Variants in ZNF276 observed in about 807,000 individuals in gnomAD.
ZNF276 encodes centromere protein Z.
A neutral mutation model predicts 63.9 loss-of-function variants in ZNF276; 59 were observed. The observed-to-expected ratio is 0.92, with a 90% CI of 0.75 to 1.15. The LOEUF (loss-of-function observed/expected upper bound fraction) is 1.15, where lower values mean the gene tolerates loss of function less well. Among genes scored for constraint, ZNF276 ranks in the 50% most tolerant of loss-of-function variants. The pLI is 0.00. For missense variants in ZNF276, 1,084 were observed against 843.8 expected (o/e 1.28, Z -3.53); for synonymous variants, 496 against 348.4 (o/e 1.42, Z -4.72).
At chr16:89,723,852 C>G (rs1195106941) in intron 4 of ZNF276, 143 bp downstream of exon 4, 1 of 929,026 alleles carries the variant, frequency 1.1e-6, no homozygotes, top group East Asian at 2.7e-5. Flanking sequence ...GGGCTTCTGC[C>G]TGCGGCTGCT....
chr16:89,724,357 T>G (rs1199328851), intron 4 of ZNF276, among the ~76,000 whole-genome samples: 2 of 152,176 alleles, frequency 1.3e-5, no homozygotes, highest in African/African-American at 4.8e-5. Flanking sequence ...ACTTTGAGTC[T>G]TGAGGGGAGC....
At chr16:89,735,895 G>T (rs28708836) in intron 9 of ZNF276, among the ~76,000 whole-genome samples, 16 of 142,944 alleles carry the variant, frequency 1.1e-4, no homozygotes, top group Non-Finnish European at 1.5e-4. Context: ...TTTTTTGTTT[G>T]TTTGTTTGTT....
intron 9 of ZNF276, among the ~76,000 whole-genome samples, chr16:89,736,967 C>T (rs549544285): frequency 6.6e-6 from 1 of 152,098 alleles, no homozygotes; most frequent in African/African-American, 2.4e-5. Context: ...AGAGAAAAGT[C>T]TGTCTTGTGA....
Position 89,738,805 on chromosome 16 carries a change from CCAGG to C in ZNF276, c.*566_*569del, listed in dbSNP as rs754660451. ...AGAAATAGTCGAGTTGTATTGCCAG[CCAGG>C]CAGGCACATGGCCCAGGCAGCTGTC... On this transcript the variant is annotated 3_prime_UTR_variant, in exon 11 of 11. Coordinates refer to ENST00000443381, the MANE Select transcript of ZNF276 (RefSeq NM_001113525.2). The C allele has an allele frequency of 1.9e-6, 3 of 1,613,680 alleles. No homozygotes were observed. In the South Asian group the frequency reaches 3.3e-5, roughly 18 times the overall value.
chr16:89,727,503 A>C (rs1262532573), intron 5 of ZNF276, 146 bp downstream of exon 5: 2 of 893,114 alleles, frequency 2.2e-6, no homozygotes, highest in Non-Finnish European at 3.5e-6. Flanking sequence ...TCGGCTGCCC[A>C]TGCGCTGGTA....
chr16:89,723,361 C>G lies in ZNF276; in HGVS notation c.658C>G (p.Leu220Val). ...GGCCCTGCCCCACCTTCAGAGGACA[C>G]TGTCCTCCGAGTACTGCGGCGTCAT... Reference protein sequence around the residue: ...CGALPHLQRTLSSEYCGVIQV... With the variant: ...CGALPHLQRTVSSEYCGVIQV... Residue 220 changes from leucine (L) to valine (V), a missense_variant, in exon 4 of 11, where the codon CTG becomes GTG. By Grantham distance (32) the Leu-to-Val change is conservative. Transcript: ENST00000443381. 6.2e-7 allele frequency: 1 copy of G among 1,613,026 alleles called. No homozygotes were observed. The highest frequency in any genetic ancestry group is 8.5e-7 in the Non-Finnish European group (1 of 1,180,016).
At position 89,738,366 on chromosome 16, in the gene ZNF276, A is replaced by G; in HGVS notation, c.*120A>G. On this transcript the variant is annotated 3_prime_UTR_variant, in exon 11 of 11. Coordinates refer to ENST00000443381, the MANE Select transcript of ZNF276 (RefSeq NM_001113525.2). Reference sequence around the variant, plus strand: ...GGGTGCTGCCCGCCCTTGGTGCTGGAGGCGGGCTTGGTGTCCGGCTCAAGT... The same window carrying G: ...GGGTGCTGCCCGCCCTTGGTGCTGGGGGCGGGCTTGGTGTCCGGCTCAAGT... 1 of 1,454,316 alleles carries G rather than the reference A, an allele frequency of 6.9e-7. No homozygotes were observed. Among genetic ancestry groups the G allele is most frequent in the Non-Finnish European group, 9.2e-7 (1 of 1,092,092 alleles). The allele number at this position is 1,454,316 out of a possible 1,614,324, so 90.1% of individuals were successfully genotyped here.
Position 89,738,014 on chromosome 16 carries a change from C to T in ZNF276, c.1613C>T (p.Ser538Phe). 3 of 1,614,156 alleles carry T rather than the reference C, an allele frequency of 1.9e-6. No individual in the cohort carries two copies. Among genetic ancestry groups the T allele is most frequent in the Non-Finnish European group, 2.5e-6 (3 of 1,180,042 alleles). Residue 538 changes from serine (S) to phenylalanine (F), a missense_variant, in exon 11 of 11, where the codon TCC (serine) becomes TTC (phenylalanine). By Grantham distance (155) the Ser-to-Phe change is radical. Coordinates refer to ENST00000443381, the MANE Select transcript of ZNF276 (RefSeq NM_001113525.2). ...GGGTTCCAGTGCAGGCAGCGGGCAT[C>T]CCTCAAGTACCACATGACCAAACAC... ...VCGFQCRQRA[S>F]LKYHMTKHKA...
At position 89,723,664 on chromosome 16, in the gene ZNF276, T is replaced by C. The variant is rs558670956; in HGVS notation, c.961T>C (p.Ser321Pro). 6.2e-7 allele frequency: 1 copy of C among 1,612,260 alleles called. No homozygotes were observed. The highest frequency in any genetic ancestry group is 1.3e-5 in the African/African-American group (1 of 75,064). ...PSDSDAVGPR[S>P]GFPPQPSLPL... ...GGACAGCGACGCGGTGGGGCCCAGG[T>C]CGGGCTTCCCACCTCAGCCAAGCCT... The change falls in exon 4 of 11, where the codon TCG (serine) becomes CCG (proline). Residue 321 changes from serine (S) to proline (P), a missense_variant. Transcript: ENST00000443381.
In ZNF276 at chr16:89,737,802, TCA is replaced by T. The variant is rs1398276954; in HGVS notation, c.1475-3_1475-2del. 6.2e-7 allele frequency: 1 copy of T among 1,614,110 alleles called. No individual in the cohort carries two copies. Among genetic ancestry groups the T allele is most frequent in the South Asian group, 1.1e-5 (1 of 91,060 alleles). On this transcript the variant is annotated splice_acceptor_variant and splice_polypyrimidine_tract_variant and intron_variant, in intron 9 of 10. Coordinates refer to ENST00000443381, the MANE Select transcript of ZNF276 (RefSeq NM_001113525.2). LOFTEE classifies it high-confidence loss of function. Reference sequence around the variant, plus strand: ...CCTGGACTCACTGGACTCTCCCCTCTCAGAGGTGCGGAACTATATCTGTGACG... The same window carrying T: ...CCTGGACTCACTGGACTCTCCCCTCTGAGGTGCGGAACTATATCTGTGACG...
At chr16:89,727,874 G>A (rs1187109077) in intron 5 of ZNF276, among the ~76,000 whole-genome samples, 1 of 152,236 alleles carries the variant, frequency 6.6e-6, no homozygotes, top group Non-Finnish European at 1.5e-5. Flanking sequence ...GGCTCTGCGA[G>A]GAGGTGTTGC....
At position 89,721,669 on chromosome 16, in the gene ZNF276, T is replaced by C. The variant is rs964766025; in HGVS notation, c.29T>C (p.Leu10Pro). 1.0e-5 allele frequency: 15 copies of C among 1,463,850 alleles called. No individual in the cohort carries two copies. In the African/African-American group the frequency reaches 1.6e-4, roughly 16 times the overall value. 90.7% of individuals were successfully genotyped at this position (1,463,850 alleles called of 1,614,324 possible). A position where few individuals can be genotyped will look rare whatever the true frequency, so the allele number is the denominator to read the frequency against. The stretch of plus-strand genomic sequence containing the variant: ...AAGCGGGACCGGCTGGGCCGCTTCC[T>C]GTCTCCTGGGTCGTCCCGACAGTGC... MKRDRLGRF[L>P]SPGSSRQCGA... Residue 10 changes from leucine to proline, a missense_variant, in exon 1 of 11, where the codon CTG becomes CCG. By Grantham distance (98) the Leu-to-Pro change is moderately conservative. Transcript: ENST00000443381.
intron 2 of ZNF276, 40 bp from the exon 3 acceptor site, chr16:89,723,097 G>T (rs769306230): frequency 5.6e-6 from 9 of 1,612,854 alleles, no homozygotes; most frequent in Non-Finnish European, 6.8e-6. Flanking sequence ...GTGAACCTCC[G>T]CCTGCTTGTC....
At chr16:89,736,622 C>T (rs1002346325) in intron 9 of ZNF276, among the ~76,000 whole-genome samples, 2 of 151,794 alleles carry the variant, frequency 1.3e-5, no homozygotes, top group African/African-American at 4.8e-5. Context: ...TAAGCCACTG[C>T]ACCGGCCCCC....
chr16:89,735,581 C>T (rs998941070), intron 9 of ZNF276, among the ~76,000 whole-genome samples: 2 of 152,092 alleles, frequency 1.3e-5, no homozygotes, highest in African/African-American at 2.4e-5. Context: ...CCTTAAAAAC[C>T]TGAAATTGGG....
chr16:89,735,872 G>A (rs7500743), intron 9 of ZNF276, among the ~76,000 whole-genome samples: 3 of 144,778 alleles, frequency 2.1e-5, no homozygotes, highest in East Asian at 2.2e-4. Context: ...CTGCCACCAC[G>A]CCGGGGGTGT....
At chr16:89,720,416 C>T (rs1023646962), upstream of ZNF276, 4 of 1,020,372 alleles carry the variant, frequency 3.9e-6, no homozygotes, top group African/African-American at 1.7e-5. Flanking sequence ...ACCATCTCTG[C>T]CCAGAAAAAT....
In ZNF276 at chr16:89,739,144, G is replaced by T. The variant is rs2062053882; in HGVS notation, c.*898G>T. The T allele has an allele frequency of 6.2e-7, 1 of 1,614,138 alleles. No individual in the cohort carries two copies. Among genetic ancestry groups the T allele is most frequent in the South Asian group, 1.1e-5 (1 of 91,092 alleles). On this transcript the variant is annotated 3_prime_UTR_variant, in exon 11 of 11. Transcript: ENST00000443381. The stretch of plus-strand genomic sequence containing the variant: ...GCCCTTGCACCTGCCTGACCCTTGA[G>T]CTCCAGGCTCCTGCCAGCTGGAGGT...
At chr16:89,734,433 C>T (rs1273700932) in intron 9 of ZNF276, among the ~76,000 whole-genome samples, 2 of 152,192 alleles carry the variant, frequency 1.3e-5, no homozygotes, top group African/African-American at 4.8e-5. Flanking sequence ...TCAATCAATT[C>T]TCCCGCCTCA....
Sources: allele counts gnomAD v4.1 joint callset (sites outside exome capture counted in the v4.1 genomes callset), GRCh38; gene constraint gnomAD v4.1.1; transcripts MANE v1.5; gene names NCBI Gene and HGNC (gene_info 2026-07-23, HGNC 2026-07-21).